The following NRXN3 variants were observed in gnomAD, a reference collection of about 807,000 sequenced individuals.
NRXN3 encodes neurexin 3.
Under a neutral mutation model 137.6 loss-of-function variants are expected in NRXN3, and 32 were observed. That is an observed-to-expected ratio of 0.23 (90% CI 0.18 to 0.31). NRXN3 has a LOEUF of 0.31. Ranked by LOEUF, NRXN3 falls within the 10% of genes least tolerant of loss-of-function variation. NRXN3 has a pLI of 1.00. For synonymous variants in NRXN3, 798 were observed against 784.5 expected (o/e 1.02, Z -0.29); for missense variants, 1,574 against 2,062.5 (o/e 0.76, Z 4.59).
intron 4 of NRXN3, among the ~76,000 whole-genome samples, chr14:78,384,237 G>A (rs1392685493): frequency 6.6e-6 from 1 of 152,002 alleles, no homozygotes; most frequent in East Asian, 1.9e-4. Flanking sequence ...TTAGAATTAG[G>A]CAAGAAGTAT....
intron 4 of NRXN3, among the ~76,000 whole-genome samples, chr14:78,585,612 T>G (rs2097054696): frequency 6.6e-6 from 1 of 152,080 alleles, no homozygotes; most frequent in African/African-American, 2.4e-5. Flanking sequence ...TGGGCATATC[T>G]TGAAGCTATG....
intron 4 of NRXN3, among the ~76,000 whole-genome samples, chr14:78,445,982 G>A (rs149001066): frequency 7.3e-4 from 111 of 152,224 alleles, no homozygotes; most frequent in African/African-American, 2.6e-3. Context: ...AGTGTGAGTG[G>A]CAGGCAAGCC....
chr14:78,665,785 C>T (rs565793194), intron 6 of NRXN3, among the ~76,000 whole-genome samples: 1 of 152,222 alleles, frequency 6.6e-6, no homozygotes, highest in African/African-American at 2.4e-5. Flanking sequence ...GCGATGGTGG[C>T]CATGGCTCAG....
At chr14:78,877,891 A>G (rs1054705413) in intron 10 of NRXN3, among the ~76,000 whole-genome samples, 1 of 152,160 alleles carries the variant, frequency 6.6e-6, no homozygotes, top group African/African-American at 2.4e-5. Flanking sequence ...ATTAAAATAA[A>G]TAGTTTCATC....
intron 1 of NRXN3, among the ~76,000 whole-genome samples, chr14:78,174,040 T>G (rs2153325284): frequency 6.6e-6 from 1 of 152,242 alleles, no homozygotes; most frequent in South Asian, 2.1e-4. Context: ...AGCTGTCGTG[T>G]GTCGCAGTTC....
intron 20 of NRXN3, among the ~76,000 whole-genome samples, chr14:79,818,115 G>A (rs2099258009): frequency 6.9e-6 from 1 of 144,874 alleles, no homozygotes; most frequent in Non-Finnish European, 1.5e-5. Context: ...GTGCAGTGGC[G>A]CGATCTCGGC....
At chr14:79,077,595 A>G in intron 15 of NRXN3, among the ~76,000 whole-genome samples, 1 of 152,178 alleles carries the variant, frequency 6.6e-6, no homozygotes, top group African/African-American at 2.4e-5. Flanking sequence ...CTTTTTGGCA[A>G]TTATAAAGAG....
At chr14:78,378,378 A>C (rs944894682) in intron 4 of NRXN3, among the ~76,000 whole-genome samples, 7 of 151,878 alleles carry the variant, frequency 4.6e-5, no homozygotes, top group Admixed American at 1.3e-4. Context: ...CCAGCTACTC[A>C]GGAGGCTGAG....
intron 15 of NRXN3, among the ~76,000 whole-genome samples, chr14:79,443,934 T>C (rs1007088813): frequency 3.3e-5 from 5 of 152,194 alleles, no homozygotes; most frequent in Non-Finnish European, 5.9e-5. Flanking sequence ...TTTTATGTAA[T>C]AGTCTTTTTA....
intron 16 of NRXN3, among the ~76,000 whole-genome samples, chr14:79,535,922 G>C (rs753538254): frequency 6.6e-6 from 1 of 152,202 alleles, no homozygotes; most frequent in South Asian, 2.1e-4. Flanking sequence ...TCTGTATTCA[G>C]TTACGTGTTG....
intron 15 of NRXN3, among the ~76,000 whole-genome samples, chr14:79,428,262 G>T (rs1027612879): frequency 6.6e-6 from 1 of 152,092 alleles, no homozygotes; most frequent in Non-Finnish European, 1.5e-5. Context: ...TAAAGTCGTC[G>T]TATGTTTTGT....
intron 4 of NRXN3, among the ~76,000 whole-genome samples, chr14:78,496,887 T>G (rs569263237): frequency 2.0e-3 from 308 of 152,168 alleles, no homozygotes; most frequent in South Asian, 0.011. Flanking sequence ...CAACTTGTAC[T>G]TTGAGTTAAA....
At chr14:79,441,098 GT>G (rs2095933962) in intron 15 of NRXN3, among the ~76,000 whole-genome samples, 1 of 152,168 alleles carries the variant, frequency 6.6e-6, no homozygotes, top group African/African-American at 2.4e-5. Context: ...CTGAATTAAT[GT>G]TGTTACGGAT....
At chr14:78,213,358 T>A (rs2062934088) in intron 1 of NRXN3, among the ~76,000 whole-genome samples, 2 of 152,032 alleles carry the variant, frequency 1.3e-5, no homozygotes, top group African/African-American at 4.8e-5. Flanking sequence ...CATGCAAGAA[T>A]CTTATTGAGG....
intron 15 of NRXN3, among the ~76,000 whole-genome samples, chr14:79,441,776 T>G (rs962733870): frequency 1.3e-5 from 2 of 151,446 alleles, no homozygotes; most frequent in Admixed American, 1.3e-4. Flanking sequence ...ACACACACAG[T>G]ATGTGTGTGT....
chr14:79,479,524 A>T (rs193210403), intron 16 of NRXN3, among the ~76,000 whole-genome samples: 76 of 151,922 alleles, frequency 5.0e-4, no homozygotes, highest in African/African-American at 1.7e-3. Flanking sequence ...ATTCAATATA[A>T]TATAATATAT....
intron 1 of NRXN3, among the ~76,000 whole-genome samples, chr14:78,203,953 T>C (rs935593345): frequency 7.9e-5 from 12 of 152,064 alleles, no homozygotes; most frequent in Non-Finnish European, 1.0e-4. Context: ...GATTTTTTTT[T>C]CCTGATTTTA....
chr14:79,147,003 T>C (rs1044706160), intron 15 of NRXN3, among the ~76,000 whole-genome samples: 8 of 151,738 alleles, frequency 5.3e-5, no homozygotes, highest in African/African-American at 1.9e-4. Context: ...GAGTCTCTTC[T>C]ATCAGGTGGG....
At chr14:79,163,462 C>T (rs1327028003) in intron 15 of NRXN3, among the ~76,000 whole-genome samples, 1 of 151,974 alleles carries the variant, frequency 6.6e-6, no homozygotes, top group Non-Finnish European at 1.5e-5. Flanking sequence ...AAACCATATT[C>T]TAATGAAGTC....
Sources: gnomAD v4.1 joint callset for allele counts (sites outside exome capture counted in the v4.1 genomes callset) on GRCh38, gnomAD v4.1.1 for gene constraint, MANE v1.5 for transcripts, NCBI Gene and HGNC (gene_info 2026-07-23, HGNC 2026-07-21) for gene names.